Variants in SGSH observed in about 807,000 individuals in gnomAD.
SGSH encodes the protein N-sulfoglucosamine sulfohydrolase.
SGSH carries 48 observed loss-of-function variants against 51.0 expected under a neutral mutation model. That is an observed-to-expected ratio of 0.94 (90% CI 0.75 to 1.20). The LOEUF (loss-of-function observed/expected upper bound fraction) is 1.20, where lower values mean the gene tolerates loss of function less well. Ranked by LOEUF, SGSH falls within the 50% of genes most tolerant of loss-of-function variation. SGSH has a pLI of 0.00. For missense variants in SGSH, 662 were observed against 717.8 expected, an observed-to-expected ratio of 0.92 and a Z score of 0.89; for synonymous variants, 321 against 313.4, an observed-to-expected ratio of 1.02 and a Z score of -0.26.
At position 80,212,007 on chromosome 17, in the gene SGSH, A is replaced by C. The variant is rs535263390; in HGVS notation, c.949+64T>G. 6 of 1,356,968 alleles carry C rather than the reference A, an allele frequency of 4.4e-6. No homozygotes were observed. The African/African-American group carries it at 8.6e-5, about 19-fold the overall frequency. 84.1% of individuals were successfully genotyped at this position (1,356,968 alleles called of 1,614,324 possible). ...TAATGGGTGTGGAGCAGCATCTGAC[A>C]GGTCATGGCCCCGTCCCAGATCCAC... On this transcript the variant is annotated intron_variant, in intron 7 of 7. Coordinates refer to ENST00000326317, the MANE Select transcript of SGSH (RefSeq NM_000199.5). This position sits in a 1 kb window ranked among gnomAD's most constrained non-coding sequence, Gnocchi z 5.9.
At chr17:80,208,478 G>C (rs2041478337), downstream of SGSH, 2 of 814,194 alleles carry the variant, frequency 2.5e-6, no homozygotes, top group African/African-American at 3.5e-5. Context: ...CACTGGCTGG[G>C]GTCTAACCTT....
rs936115664 is a variant in SGSH at position 80,212,367 on chromosome 17, C to T, written c.746-93G>A. ...AGACCCACCTGCTGCTGCATCCGGC[C>T]GCTGGGCTCCAGCGCTTTCCGGATT... On this transcript the variant is annotated intron_variant, in intron 6 of 7. Coordinates refer to ENST00000326317, the MANE Select transcript of SGSH (RefSeq NM_000199.5). This position sits in a 1 kb window ranked among gnomAD's most constrained non-coding sequence, Gnocchi z 5.9. The T allele has an allele frequency of 5.6e-5, 63 of 1,126,662 alleles. No homozygotes were observed. The Admixed American group carries it at 7.7e-4, about 14-fold the overall frequency. 69.8% of individuals were successfully genotyped at this position (1,126,662 alleles called of 1,614,324 possible). A position where few individuals can be genotyped will look rare whatever the true frequency, so the allele number is the denominator to read the frequency against.
At position 80,213,745 on chromosome 17, in the gene SGSH, C is replaced by G; in HGVS notation, c.745+59G>C. 6.9e-7 allele frequency: 1 copy of G among 1,443,302 alleles called. No individual in the cohort carries two copies. Among genetic ancestry groups the G allele is most frequent in the South Asian group, 1.2e-5 (1 of 83,170 alleles). 89.4% of individuals were successfully genotyped at this position (1,443,302 alleles called of 1,614,324 possible). ...ATGCCGTGACCTAAGAGGGCGCTGG[C>G]CCAGGATGGGGGACCCCGGCCGTGG... On this transcript the variant is annotated intron_variant, in intron 6 of 7. Coordinates refer to ENST00000326317, the MANE Select transcript of SGSH (RefSeq NM_000199.5). This position sits in a 1 kb window ranked among gnomAD's most constrained non-coding sequence, Gnocchi z 4.6.
intron 7 of SGSH, chr17:80,211,416 C>T (rs1344127589): frequency 3.2e-6 from 1 of 315,628 alleles, no homozygotes; most frequent in East Asian, 8.5e-5. Flanking sequence ...TTCCTGCTGT[C>T]CCGGGCCCAC....
Position 80,212,642 on chromosome 17 carries a change from C to T in SGSH, c.746-368G>A. ...CAGAGGACGAGGCTTCCTCTATACT[C>T]GCTCCTTCCCAGCTGGGGCCAGAGG... On this transcript the variant is annotated intron_variant, in intron 6 of 7. Transcript: ENST00000326317. This position sits in a 1 kb window ranked among gnomAD's most constrained non-coding sequence, Gnocchi z 5.9. The T allele has an allele frequency of 2.7e-6, 1 of 368,558 alleles. No individual in the cohort carries two copies. 22.8% of individuals were successfully genotyped at this position (368,558 alleles called of 1,614,324 possible). A position where few individuals can be genotyped will look rare whatever the true frequency, so the allele number is the denominator to read the frequency against.
downstream of SGSH, chr17:80,202,447 GT>G: frequency 1.2e-6 from 2 of 1,601,744 alleles, no homozygotes; most frequent in South Asian, 2.2e-5. Context: ...AGCTCGGTGC[GT>G]CCCCAGAGAG....
Position 80,209,698 on chromosome 17 carries a change from C to T in SGSH, c.*754G>A. ...CATCACCACCCAGCAATGCCAGTGT[C>T]ACCGAAGAATTAACCCAAGCCAGAG... On this transcript the variant is annotated 3_prime_UTR_variant, in exon 8 of 8. Coordinates refer to ENST00000326317, the MANE Select transcript of SGSH (RefSeq NM_000199.5). The T allele has an allele frequency of 2.0e-6, 2 of 985,348 alleles. No homozygotes were observed. The highest frequency in any genetic ancestry group is 9.4e-5 in the South Asian group (2 of 21,292). The allele number at this position is 985,348 out of a possible 1,614,324, so 61.0% of individuals were successfully genotyped here.
intron 1 of SGSH, 183 bp from the exon 2 acceptor site, chr17:80,217,375 C>A: frequency 1.4e-6 from 1 of 709,074 alleles, no homozygotes; most frequent in South Asian, 1.6e-5. Flanking sequence ...ACCTAGGAGG[C>A]ATGACACCCG....
At chr17:80,219,966 G>A (rs2042078600) in intron 1 of SGSH, 1 of 395,304 alleles carries the variant, frequency 2.5e-6, no homozygotes, top group East Asian at 3.8e-5. Flanking sequence ...AGGGTCAGAG[G>A]AGGGTGGGAC....
At position 80,213,579 on chromosome 17, in the gene SGSH, C is replaced by G. The variant is rs755821900; in HGVS notation, c.745+225G>C. Reference sequence around the variant, plus strand: ...GTCTTCACGCAACCTCTGGGGCACCCGAAGGCCCCAGCCCAGGAGCAGGTC... The same window carrying G: ...GTCTTCACGCAACCTCTGGGGCACCGGAAGGCCCCAGCCCAGGAGCAGGTC... On this transcript the variant is annotated intron_variant, in intron 6 of 7. Transcript: ENST00000326317. The surrounding 1 kb of genome is among the most constrained non-coding windows in gnomAD (Gnocchi z 4.6). The G allele has an allele frequency of 3.4e-6, 2 of 590,174 alleles. No individual in the cohort carries two copies. Among genetic ancestry groups the G allele is most frequent in the Admixed American group, 6.0e-5 (2 of 33,482 alleles). 36.6% of individuals were successfully genotyped at this position (590,174 alleles called of 1,614,324 possible).
At position 80,217,067 on chromosome 17, in the gene SGSH, G is replaced by A; in HGVS notation, c.214C>T (p.Pro72Ser). The part of the protein sequence containing the change: ...NAFTSVSSCS[P>S]SRASLLTGLP... ...CCAGTGAGGAGGCTGGCGCGGCTGG[G>A]AGAGCAGCTGCTGACCGAGGTGAAG... The change falls in exon 2 of 8, where the codon CCC (proline) becomes TCC (serine). Residue 72 changes from proline to serine, a missense_variant. Transcript: ENST00000326317. The A allele has an allele frequency of 6.3e-7, 1 of 1,594,552 alleles. No homozygotes were observed. Among genetic ancestry groups the A allele is most frequent in the Non-Finnish European group, 8.5e-7 (1 of 1,172,730 alleles).
At chr17:80,202,639 G>A, downstream of SGSH, 20 of 1,396,822 alleles carry the variant, frequency 1.4e-5, no homozygotes, top group Non-Finnish European at 1.8e-5. Context: ...GAACATTCTA[G>A]ATCTGGGTTT....
At position 80,210,025 on chromosome 17, in the gene SGSH, A is replaced by G; in HGVS notation, c.*427T>C. 1 of 1,057,498 alleles carries G rather than the reference A, an allele frequency of 9.5e-7. No homozygotes were observed. Among genetic ancestry groups the G allele is most frequent in the Non-Finnish European group, 1.1e-6 (1 of 873,888 alleles). 65.5% of individuals were successfully genotyped at this position (1,057,498 alleles called of 1,614,324 possible). Reference sequence around the variant, plus strand: ...CGAAGCCCCTGCCTGCTCTCTGTGAAGGGTTCAGAAGTATCTGTGGCTGCC... The same window carrying G: ...CGAAGCCCCTGCCTGCTCTCTGTGAGGGGTTCAGAAGTATCTGTGGCTGCC... On this transcript the variant is annotated 3_prime_UTR_variant, in exon 8 of 8. Coordinates refer to ENST00000326317, the MANE Select transcript of SGSH (RefSeq NM_000199.5).
rs1360057013 is a variant in SGSH, at chr17:80,209,740, C to G, written c.*712G>C. The G allele has an allele frequency of 5.1e-6, 5 of 985,552 alleles. No individual in the cohort carries two copies. Among genetic ancestry groups the G allele is most frequent in the Admixed American group, 6.1e-5 (1 of 16,270 alleles). The allele number at this position is 985,552 out of a possible 1,614,324, so 61.1% of individuals were successfully genotyped here. A position where few individuals can be genotyped will look rare whatever the true frequency, so the allele number is the denominator to read the frequency against. ...AAGCCAGAGGACGGGCATCGCCATGCCTTCATCTTCGGACACTCTCAAAAA... is the reference window on the plus strand; with the variant it reads ...AAGCCAGAGGACGGGCATCGCCATGGCTTCATCTTCGGACACTCTCAAAAA... On this transcript the variant is annotated 3_prime_UTR_variant, in exon 8 of 8. Transcript: ENST00000326317.
At chr17:80,204,004 A>G, downstream of SGSH, 1 of 885,876 alleles carries the variant, frequency 1.1e-6, no homozygotes, top group Non-Finnish European at 1.7e-6. Context: ...GGGTAACCCC[A>G]CCTGTCTCTC....
downstream of SGSH, chr17:80,205,819 C>T: frequency 1.7e-6 from 1 of 598,118 alleles, no homozygotes; most frequent in Non-Finnish European, 2.8e-6. Flanking sequence ...TCATCTCAGC[C>T]AGTTAGGATC....
chr17:80,202,058 GT>G, downstream of SGSH: 1 of 1,207,776 alleles, frequency 8.3e-7, no homozygotes, highest in Non-Finnish European at 1.2e-6. Flanking sequence ...ACTGACTCCA[GT>G]GCCAGAGCAG....
chr17:80,205,438 G>A, downstream of SGSH: 1 of 1,495,500 alleles, frequency 6.7e-7, no homozygotes, highest in South Asian at 1.2e-5. Flanking sequence ...CCCAGTGCTG[G>A]CAGGGTTCAC....
At chr17:80,204,942 G>C (rs1272527755), downstream of SGSH, 7 of 1,104,670 alleles carry the variant, frequency 6.3e-6, no homozygotes, top group Non-Finnish European at 8.8e-6. Flanking sequence ...GGCTGCTGCA[G>C]TGAGCAAAGC....
Sources: allele counts gnomAD v4.1 joint callset, GRCh38; gene constraint gnomAD v4.1.1; non-coding constraint Gnocchi (gnomAD v3.1); transcripts MANE v1.5; gene names NCBI Gene and HGNC (gene_info 2026-07-23, HGNC 2026-07-21).